XPC: variants seen among roughly 807,000 people sequenced by gnomAD.
XPC encodes the protein XPC complex subunit, DNA damage recognition and repair factor.
XPC carries 76 observed loss-of-function variants against 95.8 expected under a neutral mutation model. That is an observed-to-expected ratio of 0.79 (90% confidence interval 0.66 to 0.96). The LOEUF (loss-of-function observed/expected upper bound fraction) is 0.96, where lower values mean the gene tolerates loss of function less well. Ranked by LOEUF, XPC falls within the 40% of genes least tolerant of loss-of-function variation. The probability of loss-of-function intolerance (pLI) is 0.00; values close to 1 mark genes in which losing one functional copy is unlikely to be tolerated. For synonymous variants in XPC, 442 were observed against 442.1 expected, an observed-to-expected ratio of 1.00 and a Z score of 0.00; for missense variants, 1,146 against 1,179.8, an observed-to-expected ratio of 0.97 and a Z score of 0.42.
intron 7 of XPC, 64 bp downstream of exon 7, chr3:14,164,749 A>G (rs1239987420): frequency 1.3e-6 from 2 of 1,525,066 alleles, no homozygotes; most frequent in African/African-American, 1.4e-5. Flanking sequence ...CATCTGGCAC[A>G]TGGCTGCCAT....
rs1695474632 is a variant in XPC at position 14,147,214 on chromosome 3, G to C, written c.2604+76C>G. 3.0e-5 allele frequency: 44 copies of C among 1,460,072 alleles called. 1 individual carries two copies. In the South Asian group the frequency reaches 5.2e-4, roughly 17 times the overall value. 90.4% of individuals were successfully genotyped at this position (1,460,072 alleles called of 1,614,324 possible). A position where few individuals can be genotyped will look rare whatever the true frequency, so the allele number is the denominator to read the frequency against. The stretch of plus-strand genomic sequence containing the variant: ...CTGACTTGAGGCTGGGGCAGAATCT[G>C]GGCCAGGCCTTTCTGAGCTGCATCT... On this transcript the variant is annotated intron_variant, in intron 15 of 15. Coordinates refer to ENST00000285021, the MANE Select transcript of XPC (RefSeq NM_004628.5).
chr3:14,156,775 G>A (rs3731137), intron 9 of XPC, among the ~76,000 whole-genome samples: 1,995 of 152,338 alleles, frequency 0.013, 32 homozygotes, highest in Middle Eastern at 0.034. Flanking sequence ...AGCCCCAGCA[G>A]ATGTGTTAAA....
rs1385873962 is a variant in XPC at position 14,145,212 on chromosome 3, C to A, written c.*729G>T. On this transcript the variant is annotated 3_prime_UTR_variant, in exon 16 of 16. Coordinates refer to ENST00000285021, the MANE Select transcript of XPC (RefSeq NM_004628.5). Reference sequence around the variant, plus strand: ...AGTCATTTCTCCTTAGTACAGAGAGCTTTATACATTTTATCTAGTAATGAA... The same window carrying A: ...AGTCATTTCTCCTTAGTACAGAGAGATTTATACATTTTATCTAGTAATGAA... 1.6e-6 allele frequency: 1 copy of A among 611,882 alleles called. No homozygotes were observed. The highest frequency in any genetic ancestry group is 1.8e-5 in the African/African-American group (1 of 54,328). 37.9% of individuals were successfully genotyped at this position (611,882 alleles called of 1,614,324 possible).
chr3:14,165,020 G>A, intron 6 of XPC, 87 bp from the exon 7 acceptor site: 2 of 1,507,480 alleles, frequency 1.3e-6, no homozygotes, highest in Non-Finnish European at 8.8e-7. Context: ...AAGAGGGAGT[G>A]AATCGTGAGA....
At chr3:14,175,635 A>G (rs557095559) in intron 1 of XPC, among the ~76,000 whole-genome samples, 2 of 152,368 alleles carry the variant, frequency 1.3e-5, no homozygotes, top group African/African-American at 4.8e-5. Flanking sequence ...CAGAGAAGAA[A>G]TGAAAAGAAA....
chr3:14,157,934 T>C, intron 9 of XPC, 77 bp downstream of exon 9: 2 of 1,511,572 alleles, frequency 1.3e-6, no homozygotes, highest in African/African-American at 1.4e-5. Flanking sequence ...GTGCTGGGCA[T>C]ATATAAGGTG....
intron 11 of XPC, among the ~76,000 whole-genome samples, chr3:14,150,512 T>C (rs1695644604): frequency 6.6e-6 from 1 of 152,210 alleles, no homozygotes; most frequent in Non-Finnish European, 1.5e-5. Context: ...CAACCGTCCC[T>C]TTCTGAGAAG....
intron 7 of XPC, 114 bp from the exon 8 acceptor site, chr3:14,159,944 G>A (rs1696103350): frequency 9.4e-7 from 1 of 1,063,554 alleles, no homozygotes; most frequent in Non-Finnish European, 1.4e-6. Context: ...GAAACAGCCA[G>A]ACTGTCTAAC....
Position 14,146,215 on chromosome 3 carries a change from G to A in XPC, c.2605-56C>T, listed in dbSNP as rs55876983. On this transcript the variant is annotated intron_variant, in intron 15 of 15. Coordinates refer to ENST00000285021, the MANE Select transcript of XPC (RefSeq NM_004628.5). Reference sequence around the variant, plus strand: ...GGCGAGGGTTAGTAATCAGATACCAGGAAGCCCCATGAAGAGGCAGCAAGT... The same window carrying A: ...GGCGAGGGTTAGTAATCAGATACCAAGAAGCCCCATGAAGAGGCAGCAAGT... 1,474 of 1,505,476 alleles carry A rather than the reference G, an allele frequency of 9.8e-4. 17 individuals are homozygous for A. In the African/African-American group the frequency reaches 0.018, roughly 19 times the overall value. 93.3% of individuals were successfully genotyped at this position (1,505,476 alleles called of 1,614,324 possible).
intron 8 of XPC, 116 bp from the exon 9 acceptor site, chr3:14,159,008 G>A: frequency 7.6e-7 from 1 of 1,323,478 alleles, no homozygotes. Context: ...AATACATCAA[G>A]ATGTCCCCAG....
intron 7 of XPC, among the ~76,000 whole-genome samples, chr3:14,161,630 A>T (rs968029398): frequency 7.8e-6 from 1 of 129,020 alleles, no homozygotes. Flanking sequence ...TTTCATGATT[A>T]AAAAAAAAAA....
At chr3:14,174,882 A>C (rs1696752284) in intron 1 of XPC, among the ~76,000 whole-genome samples, 1 of 151,982 alleles carries the variant, frequency 6.6e-6, no homozygotes, top group African/African-American at 2.4e-5. Flanking sequence ...CTAAGCATCT[A>C]GAGACTCTTT....
chr3:14,178,253 G>T (rs111768011), intron 1 of XPC: 2 of 559,494 alleles, frequency 3.6e-6, no homozygotes, highest in African/African-American at 4.0e-5. Flanking sequence ...AGCTTGGATC[G>T]GGCGAAGCTC....
intron 2 of XPC, 87 bp from the exon 3 acceptor site, chr3:14,170,637 C>G: frequency 2.0e-6 from 2 of 977,830 alleles, no homozygotes; most frequent in South Asian, 3.4e-5. Flanking sequence ...TAAAACCCCT[C>G]CTATTTATTG....
At chr3:14,173,956 T>C (rs1400744207) in intron 1 of XPC, among the ~76,000 whole-genome samples, 3 of 152,166 alleles carry the variant, frequency 2.0e-5, no homozygotes, top group Non-Finnish European at 4.4e-5. Flanking sequence ...ACCTAAAATA[T>C]AAAATTATTT....
chr3:14,168,338 G>A lies in XPC; in HGVS notation c.455C>T (p.Ala152Val), dbSNP rs754054339. ...PVLGDVREST[A>V]FSRSLLPVKP... Reference sequence around the variant, plus strand: ...CACAGGCAGAAGAGATCGAGAGAAGGCTGTACTTTCTCTCACGTCACCCAG... The same window carrying A: ...CACAGGCAGAAGAGATCGAGAGAAGACTGTACTTTCTCTCACGTCACCCAG... The change falls in exon 4 of 16, where the codon GCC becomes GTC. Residue 152 changes from alanine (A) to valine (V), a missense_variant. Physicochemically the swap from Ala to Val is moderately conservative, Grantham distance 64. Coordinates refer to ENST00000285021, the MANE Select transcript of XPC (RefSeq NM_004628.5). 27 of 1,613,782 alleles carry A rather than the reference G, an allele frequency of 1.7e-5. No individual in the cohort carries two copies. The East Asian group carries it at 6.0e-4, about 36-fold the overall frequency.
intron 3 of XPC, among the ~76,000 whole-genome samples, chr3:14,169,670 C>G (rs1574974052): frequency 6.6e-6 from 1 of 152,114 alleles, no homozygotes; most frequent in East Asian, 1.9e-4. Flanking sequence ...AGGAGAATGT[C>G]TAATTATTAG....
intron 1 of XPC, among the ~76,000 whole-genome samples, chr3:14,177,584 G>A (rs1696878908): frequency 1.3e-5 from 2 of 151,896 alleles, no homozygotes; most frequent in Non-Finnish European, 1.5e-5. Context: ...AGTGGTAAGA[G>A]AAACAGGAGA....
chr3:14,173,747 T>G (rs1696704431), intron 1 of XPC, among the ~76,000 whole-genome samples: 1 of 152,178 alleles, frequency 6.6e-6, no homozygotes, highest in South Asian at 2.1e-4. Context: ...TTTATTTACA[T>G]ATAATAATTA....
Sources: gnomAD v4.1 joint callset for allele counts (sites outside exome capture counted in the v4.1 genomes callset) on GRCh38, gnomAD v4.1.1 for gene constraint, MANE v1.5 for transcripts, NCBI Gene and HGNC (gene_info 2026-07-23, HGNC 2026-07-21) for gene names.